The following FHIT variants were observed in gnomAD, a reference collection of about 807,000 sequenced individuals.
FHIT encodes fragile histidine triad diadenosine triphosphatase, also known as bis(5'-adenosyl)-triphosphatase.
In FHIT, 19 loss-of-function variants were observed where a neutral mutation model predicts 17.9. The ratio of observed to expected loss-of-function variants is 1.06; its 90% CI spans 0.74 to 1.56. FHIT has a LOEUF of 1.56. FHIT is among the 40% of genes most tolerant of loss of function. FHIT has a pLI of 0.00. For synonymous variants in FHIT, 81 were observed against 69.7 expected, an observed-to-expected ratio of 1.16 and a Z score of -0.81; for missense variants, 248 against 189.2, an observed-to-expected ratio of 1.31 and a Z score of -1.82.
chr3:60,761,080 G>C (rs1699633242), intron 4 of FHIT, among the ~76,000 whole-genome samples: 1 of 152,022 alleles, frequency 6.6e-6, no homozygotes, highest in Non-Finnish European at 1.5e-5. Flanking sequence ...ACCAGAAGAA[G>C]GGGGAGGGGG....
intron 2 of FHIT, among the ~76,000 whole-genome samples, chr3:61,050,786 GT>G (rs975830314): frequency 6.6e-6 from 1 of 152,108 alleles, no homozygotes; most frequent in Non-Finnish European, 1.5e-5. Flanking sequence ...CCAAGATACA[GT>G]TTTTTAAGGC....
intron 4 of FHIT, among the ~76,000 whole-genome samples, chr3:60,639,894 T>C (rs192475741): frequency 1.3e-5 from 2 of 152,274 alleles, no homozygotes; most frequent in African/African-American, 4.8e-5. Context: ...ACAACCCCTA[T>C]GTGAACCAAG....
chr3:61,188,883 C>A (rs2038615423), intron 2 of FHIT, among the ~76,000 whole-genome samples: 1 of 152,040 alleles, frequency 6.6e-6, no homozygotes. Flanking sequence ...AATTCAACAA[C>A]CCTTCATGCT....
rs1399893452 is a variant in FHIT at position 61,199,727 on chromosome 3, T to C, written c.-164+890A>G. Reference sequence around the variant, plus strand: ...TTTTCAACTTTAACTAAAGTGGTCATAGTAATAATTGCTGCAATAAAAATG... The same window carrying C: ...TTTTCAACTTTAACTAAAGTGGTCACAGTAATAATTGCTGCAATAAAAATG... On this transcript the variant is annotated intron_variant, in intron 2 of 9. Transcript: ENST00000492590. Among the ~76,000 whole-genome samples the C allele has an allele frequency of 3.3e-5, 5 of 150,786 alleles. No individual in the cohort carries two copies. The East Asian group carries it at 9.8e-4, about 30-fold the overall frequency.
chr3:61,000,466 T>C (rs1488605184), intron 3 of FHIT, among the ~76,000 whole-genome samples: 3 of 152,172 alleles, frequency 2.0e-5, no homozygotes, highest in Non-Finnish European at 4.4e-5. Flanking sequence ...AGATAACATC[T>C]CCAGGAAAAT....
At chr3:61,146,698 A>G (rs1206216269) in intron 2 of FHIT, among the ~76,000 whole-genome samples, 1 of 152,032 alleles carries the variant, frequency 6.6e-6, no homozygotes, top group Non-Finnish European at 1.5e-5. Context: ...TGAAGCACCA[A>G]TCATTAGGCA....
chr3:60,513,593 CT>C (rs1294113934), intron 5 of FHIT, among the ~76,000 whole-genome samples: 15 of 152,118 alleles, frequency 9.9e-5, no homozygotes, highest in African/African-American at 3.6e-4. Flanking sequence ...TGTCATTATC[CT>C]CAGCAAACAC....
chr3:60,662,514 G>A (rs1403210460), intron 4 of FHIT, among the ~76,000 whole-genome samples: 2 of 151,994 alleles, frequency 1.3e-5, no homozygotes, highest in Non-Finnish European at 2.9e-5. Context: ...TCTTGCTTTG[G>A]CTTTGTGGGC....
intron 3 of FHIT, among the ~76,000 whole-genome samples, chr3:60,904,450 G>C (rs530710983): frequency 6.8e-6 from 1 of 147,646 alleles, no homozygotes; most frequent in Admixed American, 6.9e-5. Context: ...TGTGGGGAAA[G>C]CCTTTCTAAC....
At chr3:60,827,083 T>A (rs1702151388) in intron 3 of FHIT, among the ~76,000 whole-genome samples, 2 of 152,190 alleles carry the variant, frequency 1.3e-5, no homozygotes, top group African/African-American at 4.8e-5. Flanking sequence ...AAGATCCTCT[T>A]TGAGCCAAGG....
intron 2 of FHIT, among the ~76,000 whole-genome samples, chr3:61,092,411 A>C (rs1231727461): frequency 1.3e-5 from 2 of 152,044 alleles, no homozygotes; most frequent in Admixed American, 1.3e-4. Context: ...TACTCTTTTA[A>C]TACATGTTTT....
At chr3:60,463,736 T>G (rs1417298904) in intron 5 of FHIT, among the ~76,000 whole-genome samples, 2 of 152,184 alleles carry the variant, frequency 1.3e-5, no homozygotes, top group East Asian at 3.9e-4. Flanking sequence ...CTTAGACCAG[T>G]TGAAACTCTG....
At chr3:60,851,469 T>C (rs1553748293) in intron 3 of FHIT, among the ~76,000 whole-genome samples, 1 of 152,106 alleles carries the variant, frequency 6.6e-6, no homozygotes, top group East Asian at 1.9e-4. Flanking sequence ...CCAGAACCCA[T>C]CTCACATTTT....
intron 4 of FHIT, among the ~76,000 whole-genome samples, chr3:60,779,284 G>A (rs1700306108): frequency 6.6e-6 from 1 of 152,170 alleles, no homozygotes; most frequent in Non-Finnish European, 1.5e-5. Flanking sequence ...CTCATTAGTT[G>A]TTTTTAAGTT....
At chr3:60,066,429 A>C (rs746529565) in intron 5 of FHIT, among the ~76,000 whole-genome samples, 1 of 152,028 alleles carries the variant, frequency 6.6e-6, no homozygotes, top group Non-Finnish European at 1.5e-5. Context: ...CTTTGTCAAT[A>C]TCTCCATGCA....
intron 5 of FHIT, among the ~76,000 whole-genome samples, chr3:60,018,329 C>A (rs555816236): frequency 6.6e-6 from 1 of 152,266 alleles, no homozygotes; most frequent in Admixed American, 6.5e-5. Flanking sequence ...CAAACACTTC[C>A]CATTAGACCC....
intron 3 of FHIT, among the ~76,000 whole-genome samples, chr3:60,916,470 C>T (rs1868228): frequency 1.8e-4 from 28 of 152,024 alleles, no homozygotes; most frequent in Admixed American, 8.5e-4. Context: ...TAAAAAGAGT[C>T]GGGGTAAAAA....
chr3:61,187,782 C>G (rs1359129688), intron 2 of FHIT, among the ~76,000 whole-genome samples: 1 of 152,204 alleles, frequency 6.6e-6, no homozygotes, highest in Non-Finnish European at 1.5e-5. Flanking sequence ...GAAACTCACT[C>G]AAAACCGCTC....
intron 4 of FHIT, among the ~76,000 whole-genome samples, chr3:60,810,197 C>G (rs528657636): frequency 6.6e-6 from 1 of 152,286 alleles, no homozygotes; most frequent in Admixed American, 6.5e-5. Context: ...TTTTCATCAG[C>G]TGGCAGAATG....
Sources: allele counts gnomAD v4.1 joint callset (sites outside exome capture counted in the v4.1 genomes callset), GRCh38; gene constraint gnomAD v4.1.1; transcripts MANE v1.5; gene names NCBI Gene and HGNC (gene_info 2026-07-23, HGNC 2026-07-21).